Variants in RIPOR3 observed in about 807,000 individuals in gnomAD.
The protein encoded by RIPOR3 is RIPOR family member 3.
RIPOR3 carries 95 observed loss-of-function variants against 114.3 expected under a neutral mutation model. That is an observed-to-expected ratio of 0.83 (90% CI 0.70 to 0.99). The LOEUF is 0.99. Ranked by LOEUF, RIPOR3 falls within the 50% of genes least tolerant of loss-of-function variation. The probability of loss-of-function intolerance (pLI) is 0.00; values close to 1 mark genes in which losing one functional copy is unlikely to be tolerated. For missense variants in RIPOR3, 1,252 were observed against 1,266.9 expected (o/e 0.99, Z 0.18); for synonymous variants, 575 against 543.8 (o/e 1.06, Z -0.80).
At chr20:50,596,313 CCTCT>C in intron 14 of RIPOR3, 50 bp from the exon 15 acceptor site, 3 of 1,609,506 alleles carry the variant, frequency 1.9e-6, no homozygotes, top group Non-Finnish European at 2.5e-6. Flanking sequence ...AGTTCAGCTC[CCTCT>C]GAGGGTGGGG....
At chr20:50,634,092 C>A (rs1402585211) in intron 1 of RIPOR3, among the ~76,000 whole-genome samples, 1 of 151,800 alleles carries the variant, frequency 6.6e-6, no homozygotes, top group Non-Finnish European at 1.5e-5. Context: ...AGCCATCCTC[C>A]CACATCAGCC....
chr20:50,608,980 C>G (rs377561833), intron 8 of RIPOR3, 25 bp from the exon 9 acceptor site: 3 of 1,559,894 alleles, frequency 1.9e-6, no homozygotes, highest in Admixed American at 3.9e-5. Flanking sequence ...TGGCCGGTCT[C>G]CCCTCCGCCT....
rs772682325 is a variant in RIPOR3, at chr20:50,597,645, G to A, written c.1725C>T (p.Phe575=). 41 of 1,612,122 alleles carry A rather than the reference G, an allele frequency of 2.5e-5. No homozygotes were observed. Among genetic ancestry groups the A allele is most frequent in the Admixed American group, 1.5e-4 (9 of 59,816 alleles). Residue 575 remains phenylalanine (F), a synonymous_variant, in exon 14 of 22, where the codon TTC becomes TTT. Coordinates refer to ENST00000327979, the MANE Select transcript of RIPOR3 (RefSeq NM_001290268.2). ...GGGCGAAGTCGGCATTGAGGAAGGC[G>A]AAGCTCTCCAGGATGCACTCCATCA... ...ESLMECILES[F]AFLNADFALD...
At chr20:50,667,631 C>T (rs2086301038) in intron 1 of RIPOR3, among the ~76,000 whole-genome samples, 1 of 152,176 alleles carries the variant, frequency 6.6e-6, no homozygotes, top group African/African-American at 2.4e-5. Context: ...CGCGGCTCAG[C>T]TCACTGTACG....
intron 14 of RIPOR3, among the ~76,000 whole-genome samples, chr20:50,596,727 G>C (rs1388512149): frequency 1.3e-5 from 2 of 152,252 alleles, no homozygotes; most frequent in Non-Finnish European, 2.9e-5. Flanking sequence ...AAGGGTGGAA[G>C]CAAGTGTGGC....
intron 1 of RIPOR3, among the ~76,000 whole-genome samples, chr20:50,655,466 C>T (rs1270655904): frequency 3.9e-5 from 6 of 152,200 alleles, no homozygotes; most frequent in Admixed American, 1.3e-4. Context: ...AAGATGGGCG[C>T]GCTGACGACA....
chr20:50,609,129 C>A (rs2083851070), intron 8 of RIPOR3, among the ~76,000 whole-genome samples, 164 bp downstream of exon 8: 1 of 152,160 alleles, frequency 6.6e-6, no homozygotes, highest in Non-Finnish European at 1.5e-5. Context: ...GCCCTCACAC[C>A]AGGCTCAGAG....
intron 4 of RIPOR3, among the ~76,000 whole-genome samples, chr20:50,613,600 A>T (rs1172372297): frequency 6.6e-6 from 1 of 152,244 alleles, no homozygotes; most frequent in Non-Finnish European, 1.5e-5. Context: ...GCAGGACTCG[A>T]CATGGGCATC....
intron 2 of RIPOR3, among the ~76,000 whole-genome samples, chr20:50,628,219 T>C (rs556579997): frequency 7.9e-5 from 12 of 152,304 alleles, no homozygotes; most frequent in African/African-American, 1.7e-4. Context: ...ACTCTTTCTG[T>C]TCTCTGAGGC....
chr20:50,690,420 G>A (rs1202156042), intron 1 of RIPOR3, among the ~76,000 whole-genome samples: 2 of 152,166 alleles, frequency 1.3e-5, no homozygotes, highest in African/African-American at 4.8e-5. Context: ...TCCCAGGGCA[G>A]CCAGCCTCCA....
rs543090497 is a variant in RIPOR3, at chr20:50,610,915, G to A, written c.373-9C>T. On this transcript the variant is annotated splice_polypyrimidine_tract_variant and intron_variant, in intron 5 of 21. Coordinates refer to ENST00000327979, the MANE Select transcript of RIPOR3 (RefSeq NM_001290268.2). ...TCCACACAGCGCGTTTGCTTCTCCC[G>A]GAAAAAGGGAAGATGTTTGCAAAGT... 9.9e-6 allele frequency: 16 copies of A among 1,613,994 alleles called. No homozygotes were observed. The African/African-American group carries it at 1.3e-4, about 13-fold the overall frequency.
chr20:50,606,010 C>T (rs993958235), intron 11 of RIPOR3, among the ~76,000 whole-genome samples: 6 of 152,244 alleles, frequency 3.9e-5, no homozygotes, highest in Non-Finnish European at 7.4e-5. Flanking sequence ...TCGAGACCAG[C>T]CTGGCCAACA....
chr20:50,676,027 G>A (rs1435704670), intron 1 of RIPOR3, among the ~76,000 whole-genome samples: 2 of 152,158 alleles, frequency 1.3e-5, no homozygotes, highest in African/African-American at 4.8e-5. Context: ...GTGAGGGAGA[G>A]ACACAAATAC....
intron 1 of RIPOR3, among the ~76,000 whole-genome samples, chr20:50,651,165 C>A (rs906536724): frequency 6.6e-6 from 1 of 152,070 alleles, no homozygotes; most frequent in Non-Finnish European, 1.5e-5. Context: ...TTTTCCATTG[C>A]AGGCTTTGGA....
rs75113562 is a variant in RIPOR3 at position 50,621,120 on chromosome 20, C to CA, written c.123-989dup. On this transcript the variant is annotated intron_variant, in intron 2 of 21. Transcript: ENST00000327979. ...CTCCCGGAAATATAGAACAGCTTGA[C>CA]AAAAAAAAAAAAAAGAACAGTAATA... The CA allele has an allele frequency of 2.3e-3, 402 of 173,508 alleles. 1 individual carries two copies. Among genetic ancestry groups the CA allele is most frequent in the South Asian group, 6.3e-3 (94 of 15,016 alleles). The allele number at this position is 173,508 out of a possible 1,614,324, so 10.7% of individuals were successfully genotyped here.
rs762392679 is a variant in RIPOR3 at position 50,592,450 on chromosome 20, G to A, written c.2471C>T (p.Thr824Ile). ...CTGGAGCAGCGCCCAGGCTCTTAAG[G>A]TCTGGGGCAGAGGCTGGAGCTGGCC... Reference protein sequence around the residue: ...RLGQLQPLPQTLRAWALLQLD... With the variant: ...RLGQLQPLPQILRAWALLQLD... Residue 824 changes from threonine to isoleucine, a missense_variant, in exon 19 of 22, where the codon ACC becomes ATC. Physicochemically the swap from Thr to Ile is moderately conservative, Grantham distance 89. Coordinates refer to ENST00000327979, the MANE Select transcript of RIPOR3 (RefSeq NM_001290268.2). 23 of 1,612,432 alleles carry A rather than the reference G, an allele frequency of 1.4e-5. No individual in the cohort carries two copies. In the East Asian group the frequency reaches 4.5e-4, roughly 31 times the overall value.
chr20:50,665,179 G>A (rs984380041), intron 1 of RIPOR3, among the ~76,000 whole-genome samples: 109 of 151,820 alleles, frequency 7.2e-4, no homozygotes, highest in African/African-American at 2.5e-3. Context: ...GCTCACGCCT[G>A]TAATCCCAGC....
At chr20:50,656,298 C>T (rs1444786301) in intron 1 of RIPOR3, among the ~76,000 whole-genome samples, 1 of 151,996 alleles carries the variant, frequency 6.6e-6, no homozygotes, top group Non-Finnish European at 1.5e-5. Context: ...GGCTGTGTAA[C>T]CCTGAGAATC....
At chr20:50,684,740 G>C (rs2086960307) in intron 1 of RIPOR3, among the ~76,000 whole-genome samples, 2 of 152,170 alleles carry the variant, frequency 1.3e-5, no homozygotes, top group African/African-American at 4.8e-5. Flanking sequence ...CAGCTTCTGG[G>C]TGCAGGTTGA....
Sources: gnomAD v4.1 joint callset for allele counts (sites outside exome capture counted in the v4.1 genomes callset) on GRCh38, gnomAD v4.1.1 for gene constraint, MANE v1.5 for transcripts, NCBI Gene and HGNC (gene_info 2026-07-23, HGNC 2026-07-21) for gene names.